GPC5: variants seen among roughly 807,000 people sequenced by gnomAD.
The protein encoded by GPC5 is glypican 5.
A neutral mutation model predicts 53.9 loss-of-function variants in GPC5; 47 were observed. That is an observed-to-expected ratio of 0.87 (90% CI 0.69 to 1.11). GPC5 has a LOEUF of 1.11. Ranked by LOEUF, GPC5 falls within the 50% of genes most tolerant of loss-of-function variation. The pLI is 0.00. For synonymous variants in GPC5, 286 were observed against 263.3 expected, an observed-to-expected ratio of 1.09 and a Z score of -0.84; for missense variants, 748 against 713.1, an observed-to-expected ratio of 1.05 and a Z score of -0.56.
At chr13:91,609,141 A>G (rs1438933003) in intron 2 of GPC5, among the ~76,000 whole-genome samples, 1 of 150,656 alleles carries the variant, frequency 6.6e-6, no homozygotes, top group Admixed American at 6.7e-5. Context: ...AAGAGGTTCT[A>G]TCACTGCAAA....
At chr13:92,322,961 A>C (rs2043225849) in intron 7 of GPC5, among the ~76,000 whole-genome samples, 1 of 152,060 alleles carries the variant, frequency 6.6e-6, no homozygotes, top group African/African-American at 2.4e-5. Flanking sequence ...GAGAAGGAGG[A>C]GACAAAAAAA....
rs557129350 is a variant in GPC5 at position 92,024,754 on chromosome 13, C to A, written c.1401+116697C>A. 2.0e-5 allele frequency among the ~76,000 whole-genome samples: 3 copies of A among 152,198 alleles called. No individual in the cohort carries two copies. In the South Asian group the frequency reaches 6.2e-4, roughly 32 times the overall value. ...CATACTTATTGGTGCTTTTTATTCC[C>A]CTCTTACCTCAAAAGATTTAATCTG... On this transcript the variant is annotated intron_variant, in intron 6 of 7. Transcript: ENST00000377067.
At chr13:92,467,248 G>A (rs750875544) in intron 7 of GPC5, among the ~76,000 whole-genome samples, 4 of 152,054 alleles carry the variant, frequency 2.6e-5, no homozygotes, top group Non-Finnish European at 5.9e-5. Context: ...TGTTGGTGTC[G>A]TTTGAAGACG....
At chr13:92,210,419 C>T (rs995269136) in intron 7 of GPC5, among the ~76,000 whole-genome samples, 1 of 152,070 alleles carries the variant, frequency 6.6e-6, no homozygotes, top group African/African-American at 2.4e-5. Context: ...GTTCAGTTCT[C>T]ATGTTTTTTC....
chr13:91,626,508 C>T (rs2034005996), intron 2 of GPC5, among the ~76,000 whole-genome samples: 1 of 152,140 alleles, frequency 6.6e-6, no homozygotes, highest in Admixed American at 6.6e-5. Flanking sequence ...ACTCTCTATG[C>T]ACGCAGGAAG....
intron 6 of GPC5, among the ~76,000 whole-genome samples, chr13:92,020,197 T>C (rs1594727432): frequency 6.6e-6 from 1 of 152,122 alleles, no homozygotes; most frequent in East Asian, 1.9e-4. Flanking sequence ...AGAAAGCTTG[T>C]AATTTCACCA....
At chr13:92,000,844 A>G (rs972234387) in intron 6 of GPC5, among the ~76,000 whole-genome samples, 5 of 152,326 alleles carry the variant, frequency 3.3e-5, no homozygotes, top group African/African-American at 1.2e-4. Context: ...ACTATATGTA[A>G]GGCTAGGCAA....
chr13:92,718,300 G>A (rs2139282290), intron 7 of GPC5, among the ~76,000 whole-genome samples: 1 of 152,246 alleles, frequency 6.6e-6, no homozygotes, highest in East Asian at 1.9e-4. Flanking sequence ...GGAAGCAACA[G>A]AAGTGTTCAT....
chr13:92,348,097 T>G (rs1167263468), intron 7 of GPC5, among the ~76,000 whole-genome samples: 2 of 139,324 alleles, frequency 1.4e-5, no homozygotes, highest in Non-Finnish European at 3.1e-5. Context: ...AGAAAACAAT[T>G]AAGAAAATGG....
chr13:91,678,032 A>AT (rs2035423575), intron 2 of GPC5, among the ~76,000 whole-genome samples: 1 of 152,126 alleles, frequency 6.6e-6, no homozygotes, highest in African/African-American at 2.4e-5. Flanking sequence ...AAGAATTACA[A>AT]TTTTTTTCTC....
rs1263762454 is a variant in GPC5 at position 92,036,137 on chromosome 13, G to A, written c.1402-108693G>A. Among the ~76,000 whole-genome samples, 5 of 152,128 alleles carry A rather than the reference G, an allele frequency of 3.3e-5. No homozygotes were observed. In the South Asian group the frequency reaches 1.0e-3, roughly 32 times the overall value. On this transcript the variant is annotated intron_variant, in intron 6 of 7. Transcript: ENST00000377067. ...TTATTTATTAGTCTGTTGTCTATTA[G>A]TCTTGATTAACAGGAAGTTTTTGAT...
chr13:91,766,547 T>G (rs1235517879), intron 5 of GPC5, among the ~76,000 whole-genome samples: 1 of 152,178 alleles, frequency 6.6e-6, no homozygotes, highest in African/African-American at 2.4e-5. Context: ...AATCTCTAAG[T>G]GCATCACTTT....
intron 7 of GPC5, among the ~76,000 whole-genome samples, chr13:92,556,246 C>T (rs1474628819): frequency 6.6e-6 from 1 of 151,756 alleles, no homozygotes; most frequent in Non-Finnish European, 1.5e-5. Flanking sequence ...ACAATGTATA[C>T]ATCTGCCAAC....
In GPC5 at chr13:92,125,923, G is replaced by GTTTTTTTTT. The variant is rs1566446337; in HGVS notation, c.1402-18907_1402-18906insTTTTTTTTT. On this transcript the variant is annotated intron_variant, in intron 6 of 7. Coordinates refer to ENST00000377067, the MANE Select transcript of GPC5 (RefSeq NM_004466.6). ...ATTAGAAAGGAAACATTTGTTTTTT[G>GTTTTTTTTT]GTTTTTTTTTTTTTTTTTTTTTTTT... Among the ~76,000 whole-genome samples, 13 of 41,536 alleles carry GTTTTTTTTT rather than the reference G, an allele frequency of 3.1e-4. 5 individuals carry two copies. The highest frequency in any genetic ancestry group is 4.4e-4 in the Non-Finnish European group (9 of 20,260). 27.2% of individuals were successfully genotyped at this position (41,536 alleles called of 152,430 possible).
intron 3 of GPC5, among the ~76,000 whole-genome samples, chr13:91,721,063 CCCTTTCTTTCTT>C (rs1566636316): frequency 6.8e-6 from 1 of 147,180 alleles, no homozygotes; most frequent in Non-Finnish European, 1.5e-5. Context: ...TTCCTTCCTT[CCCTTTCTTTCTT>C]TCTTTCTTTC....
intron 2 of GPC5, among the ~76,000 whole-genome samples, chr13:91,545,857 G>A (rs913207199): frequency 6.6e-6 from 1 of 151,956 alleles, no homozygotes; most frequent in Non-Finnish European, 1.5e-5. Context: ...ATGCTATCAT[G>A]TTTTCAGATA....
rs142736257 is a variant in GPC5 at position 92,001,058 on chromosome 13, T to G, written c.1401+93001T>G. Among the ~76,000 whole-genome samples the G allele has an allele frequency of 9.8e-5, 15 of 152,340 alleles. No homozygotes were observed. The East Asian group carries it at 2.7e-3, about 27-fold the overall frequency. On this transcript the variant is annotated intron_variant, in intron 6 of 7. Coordinates refer to ENST00000377067, the MANE Select transcript of GPC5 (RefSeq NM_004466.6). ...TGTACTTTAAGTAAGTATGTCTTCC[T>G]TGGATACCAAAGTGTCACTTCCATT...
At chr13:91,487,088 C>T (rs1297125919) in intron 2 of GPC5, among the ~76,000 whole-genome samples, 29 of 152,074 alleles carry the variant, frequency 1.9e-4, no homozygotes, top group Admixed American at 1.9e-3. Flanking sequence ...AAAGTTTCCT[C>T]TTCACCTTCT....
intron 7 of GPC5, among the ~76,000 whole-genome samples, chr13:92,331,746 G>A (rs966711657): frequency 6.6e-6 from 1 of 151,422 alleles, no homozygotes; most frequent in Non-Finnish European, 1.5e-5. Flanking sequence ...TTTTATATCA[G>A]CACAGCCAAA....
Sources: allele counts gnomAD v4.1 joint callset (sites outside exome capture counted in the v4.1 genomes callset), GRCh38; gene constraint gnomAD v4.1.1; transcripts MANE v1.5; gene names NCBI Gene and HGNC (gene_info 2026-07-23, HGNC 2026-07-21).